The following NAB1 variants were observed in gnomAD, a reference collection of about 807,000 sequenced individuals.
The protein encoded by NAB1 is NGFI-A binding protein 1.
A neutral mutation model predicts 49.9 loss-of-function variants in NAB1; 25 were observed. That is an observed-to-expected ratio of 0.50 (90% CI 0.37 to 0.70). NAB1 has a LOEUF of 0.70. Among genes scored for constraint, NAB1 ranks in the 30% least tolerant of loss-of-function variants. The pLI is 0.00. For missense variants in NAB1, 489 were observed against 575.9 expected, an observed-to-expected ratio of 0.85 and a Z score of 1.54; for synonymous variants, 198 against 215.6, an observed-to-expected ratio of 0.92 and a Z score of 0.71.
chr2:190,660,376 A>G (rs1021842841), intron 4 of NAB1, among the ~76,000 whole-genome samples: 43 of 152,234 alleles, frequency 2.8e-4, no homozygotes, highest in Admixed American at 6.5e-4. Context: ...TAAAGAAAAA[A>G]TTTCATAAAA....
chr2:190,687,306 C>T lies in NAB1; in HGVS notation c.1364C>T (p.Ser455Phe). The T allele has an allele frequency of 2.5e-6, 4 of 1,583,150 alleles. No individual in the cohort carries two copies. Among genetic ancestry groups the T allele is most frequent in the Non-Finnish European group, 3.4e-6 (4 of 1,166,248 alleles). The part of the protein sequence containing the change: ...LSRLYPSEAK[S>F]HSSESLGILK... ...AGACTTTACCCCAGTGAGGCAAAGT[C>T]CCACTCATCAGGTGAGAACGTGCTA... Residue 455 changes from serine (S) to phenylalanine (F), a missense_variant, in exon 9 of 10, where the codon TCC becomes TTC. Physicochemically the swap from Ser to Phe is radical, Grantham distance 155. Coordinates refer to ENST00000337386, the MANE Select transcript of NAB1 (RefSeq NM_005966.4).
At position 190,676,673 on chromosome 2, in the gene NAB1, A is replaced by G. The variant is rs1285133788; in HGVS notation, c.1005+3521A>G. Among the ~76,000 whole-genome samples the G allele has an allele frequency of 1.3e-5, 2 of 152,212 alleles. No individual in the cohort carries two copies. Among genetic ancestry groups the G allele is most frequent in the Non-Finnish European group, 2.9e-5 (2 of 68,028 alleles). On this transcript the variant is annotated intron_variant, in intron 6 of 9. Transcript: ENST00000337386. The surrounding 1 kb of genome is among the most constrained non-coding windows in gnomAD (Gnocchi z 4.6). Reference sequence around the variant, plus strand: ...ACTCCAGCCCGGGCAACAGAGCACAACCTTGTCTCAAACAAAGGAAAAAAA... The same window carrying G: ...ACTCCAGCCCGGGCAACAGAGCACAGCCTTGTCTCAAACAAAGGAAAAAAA...
chr2:190,660,670 G>A (rs1694176308), intron 4 of NAB1, among the ~76,000 whole-genome samples: 1 of 152,106 alleles, frequency 6.6e-6, no homozygotes, highest in Admixed American at 6.5e-5. Flanking sequence ...TTAAAACTCA[G>A]CCAAGAATAA....
rs1375179905 is a variant in NAB1 at position 190,689,635 on chromosome 2, A to G, written c.1376-610A>G. On this transcript the variant is annotated intron_variant, in intron 9 of 9. Transcript: ENST00000337386. This position sits in a 1 kb window ranked among gnomAD's most constrained non-coding sequence, Gnocchi z 4.3. ...GTGTATGGTTGAAATAACTGTACAC[A>G]TAGAACTCCATGGAATGATTTCTCA... is the stretch of plus-strand genomic sequence containing the variant. Among the ~76,000 whole-genome samples the G allele has an allele frequency of 6.6e-6, 1 of 152,196 alleles. No individual in the cohort carries two copies. The highest frequency in any genetic ancestry group is 2.4e-5 in the African/African-American group (1 of 41,454).
chr2:190,690,135 A>G (rs1303225894), intron 9 of NAB1, 110 bp from the exon 10 acceptor site: 1 of 781,228 alleles, frequency 1.3e-6, no homozygotes, highest in African/African-American at 1.8e-5. Flanking sequence ...AGAATCATGA[A>G]TAGTTGATAC....
chr2:190,650,057 T>C (rs560223908), intron 2 of NAB1, 75 bp downstream of exon 2: 1 of 152,296 alleles, frequency 6.6e-6, no homozygotes, highest in South Asian at 2.1e-4. Flanking sequence ...AACTCAGAGC[T>C]TCCAAAGCTT....
chr2:190,659,537 C>G lies in NAB1; in HGVS notation c.361C>G (p.Arg121Gly), dbSNP rs772814531. 6.2e-7 allele frequency: 1 copy of G among 1,614,172 alleles called. No homozygotes were observed. The highest frequency in any genetic ancestry group is 8.5e-7 in the Non-Finnish European group (1 of 1,180,032). Residue 121 changes from arginine to glycine, a missense_variant, in exon 4 of 10, where the codon CGG becomes GGG. Physicochemically the swap from Arg to Gly is moderately radical, Grantham distance 125 (BLOSUM62 -2). Transcript: ENST00000337386. This position sits in a 1 kb window ranked among gnomAD's most constrained non-coding sequence, Gnocchi z 6.2. ...CSSYERSSNA[R>G]EPHLKIPKCA... ...TAGTTATGAAAGGAGTAGCAATGCC[C>G]GGGAACCTCATTTAAAAATCCCCAA...
At position 190,676,605 on chromosome 2, in the gene NAB1, A is replaced by G. The variant is rs901585729; in HGVS notation, c.1005+3453A>G. Among the ~76,000 whole-genome samples, 3 of 152,164 alleles carry G rather than the reference A, an allele frequency of 2.0e-5. No homozygotes were observed. Among genetic ancestry groups the G allele is most frequent in the African/African-American group, 7.2e-5 (3 of 41,430 alleles). The stretch of plus-strand genomic sequence containing the variant: ...CATGATGGCATGTGCCTGTAGTCCC[A>G]GCTAATCAGGAGGCTGAGGTGGGAG... On this transcript the variant is annotated intron_variant, in intron 6 of 9. Coordinates refer to ENST00000337386, the MANE Select transcript of NAB1 (RefSeq NM_005966.4). This position sits in a 1 kb window ranked among gnomAD's most constrained non-coding sequence, Gnocchi z 4.6.
chr2:190,683,297 ATTTTTTT>A (rs767640681), intron 6 of NAB1, among the ~76,000 whole-genome samples: 6 of 76,136 alleles, frequency 7.9e-5, no homozygotes, highest in African/African-American at 1.3e-4. Context: ...CTCCCAGCTA[ATTTTTTT>A]TTTTTTTTTT....
rs573056462 is a variant in NAB1, at chr2:190,674,808, C to T, written c.1005+1656C>T. ...GCTCACACCTATAATCCCAACACTTCGGGAGGCCAAGACAGAAGGATTGCT... is the reference window on the plus strand; with the variant it reads ...GCTCACACCTATAATCCCAACACTTTGGGAGGCCAAGACAGAAGGATTGCT... On this transcript the variant is annotated intron_variant, in intron 6 of 9. Transcript: ENST00000337386. The surrounding 1 kb of genome is among the most constrained non-coding windows in gnomAD (Gnocchi z 5.7). Among the ~76,000 whole-genome samples the T allele has an allele frequency of 9.4e-4, 143 of 152,212 alleles. No homozygotes were observed. The highest frequency in any genetic ancestry group is 3.4e-3 in the Middle Eastern group (1 of 294).
Position 190,670,295 on chromosome 2 carries a change from T to A in NAB1, c.820-31T>A, listed in dbSNP as rs200771205. 1 of 1,578,932 alleles carries A rather than the reference T, an allele frequency of 6.3e-7. No individual in the cohort carries two copies. The highest frequency in any genetic ancestry group is 8.6e-7 in the Non-Finnish European group (1 of 1,165,906). Reference sequence around the variant, plus strand: ...GCATTTTGATGAAATTAAAATGTTCTTAATTTTGAAACTCTGTTTTGGATA... The same window carrying A: ...GCATTTTGATGAAATTAAAATGTTCATAATTTTGAAACTCTGTTTTGGATA... On this transcript the variant is annotated intron_variant, in intron 4 of 9. Transcript: ENST00000337386. This position sits in a 1 kb window ranked among gnomAD's most constrained non-coding sequence, Gnocchi z 5.3.
chr2:190,688,689 A>ATTTCATG (rs1695746432), intron 9 of NAB1, among the ~76,000 whole-genome samples: 1 of 152,228 alleles, frequency 6.6e-6, no homozygotes. Context: ...TATATTACAT[A>ATTTCATG]GAGATATAAT....
In NAB1 at chr2:190,659,569, T is replaced by G; in HGVS notation, c.393T>G (p.Ala131=). 3 of 1,614,242 alleles carry G rather than the reference T, an allele frequency of 1.9e-6. No individual in the cohort carries two copies. In the African/African-American group the frequency reaches 4.0e-5, roughly 22 times the overall value. The change falls in exon 4 of 10, where the codon GCT becomes GCG. Residue 131 remains alanine, a synonymous_variant. Coordinates refer to ENST00000337386, the MANE Select transcript of NAB1 (RefSeq NM_005966.4). The surrounding 1 kb of genome is among the most constrained non-coding windows in gnomAD (Gnocchi z 6.2). The part of the protein sequence containing the change: ...REPHLKIPKC[A]ATTCVQSLGQ... ...CTCATTTAAAAATCCCCAAATGTGC[T>G]GCCACCACCTGTGTGCAGAGCTTGG...
In NAB1 at chr2:190,657,144, C is replaced by A. The variant is rs1465826117; in HGVS notation, c.-20+991C>A. On this transcript the variant is annotated intron_variant, in intron 3 of 9. Coordinates refer to ENST00000337386, the MANE Select transcript of NAB1 (RefSeq NM_005966.4). The surrounding 1 kb of genome is among the most constrained non-coding windows in gnomAD (Gnocchi z 4.4). ...TTCCACCTCCAACACTTTATAGCAGCCCTTCTATTTGGTATAGTGTAGTTT... is the reference window on the plus strand; with the variant it reads ...TTCCACCTCCAACACTTTATAGCAGACCTTCTATTTGGTATAGTGTAGTTT... Among the ~76,000 whole-genome samples the A allele has an allele frequency of 6.6e-6, 1 of 152,116 alleles. No homozygotes were observed. The highest frequency in any genetic ancestry group is 2.4e-5 in the African/African-American group (1 of 41,402).
rs969373920 is a variant in NAB1 at position 190,684,622 on chromosome 2, G to T, written c.1095+795G>T. ...TGTGAATTAATATATTTTACCTACT[G>T]ATTTTTACATTGTGAATCAGGGCAT... On this transcript the variant is annotated intron_variant, in intron 7 of 9. Coordinates refer to ENST00000337386, the MANE Select transcript of NAB1 (RefSeq NM_005966.4). The surrounding 1 kb of genome is among the most constrained non-coding windows in gnomAD (Gnocchi z 4.6). 1.3e-5 allele frequency among the ~76,000 whole-genome samples: 2 copies of T among 152,080 alleles called. No individual in the cohort carries two copies. The highest frequency in any genetic ancestry group is 2.9e-5 in the Non-Finnish European group (2 of 67,978).
In NAB1 at chr2:190,666,396, C is replaced by A. The variant is rs539749467; in HGVS notation, c.820-3930C>A. 3.0e-4 allele frequency among the ~76,000 whole-genome samples: 45 copies of A among 152,174 alleles called. No individual in the cohort carries two copies. Among genetic ancestry groups the A allele is most frequent in the South Asian group, 4.1e-4 (2 of 4,822 alleles). On this transcript the variant is annotated intron_variant, in intron 4 of 9. Coordinates refer to ENST00000337386, the MANE Select transcript of NAB1 (RefSeq NM_005966.4). This position sits in a 1 kb window ranked among gnomAD's most constrained non-coding sequence, Gnocchi z 5.6. ...ACTGTAGTAAGTCCAGTTTTTAAGT[C>A]CGGTTATAAAAGATAGCTAACTTTA...
At position 190,659,886 on chromosome 2, in the gene NAB1, A is replaced by C. The variant is rs887340081; in HGVS notation, c.710A>C (p.Glu237Ala). 2 of 1,614,134 alleles carry C rather than the reference A, an allele frequency of 1.2e-6. No individual in the cohort carries two copies. The highest frequency in any genetic ancestry group is 2.7e-5 in the African/African-American group (2 of 74,940). The change falls in exon 4 of 10, where the codon GAG becomes GCG. Residue 237 changes from glutamate (E) to alanine (A), a missense_variant. By Grantham distance (107) the Glu-to-Ala change is moderately radical (BLOSUM62 -1). Transcript: ENST00000337386. The surrounding 1 kb of genome is among the most constrained non-coding windows in gnomAD (Gnocchi z 6.2). The part of the protein sequence containing the change: ...KLAKMIGHIF[E>A]MNDDDPHKEE... Reference sequence around the variant, plus strand: ...GCCAAAATGATTGGTCACATCTTTGAGATGAACGATGATGATCCACACAAA... The same window carrying C: ...GCCAAAATGATTGGTCACATCTTTGCGATGAACGATGATGATCCACACAAA...
At chr2:190,683,062 A>C (rs1695425808) in intron 6 of NAB1, among the ~76,000 whole-genome samples, 1 of 152,134 alleles carries the variant, frequency 6.6e-6, no homozygotes, top group African/African-American at 2.4e-5. Context: ...GTGGCTAATC[A>C]AACCCCCCAC....
chr2:190,658,564 C>A (rs1319467466), intron 3 of NAB1, among the ~76,000 whole-genome samples: 2 of 152,176 alleles, frequency 1.3e-5, no homozygotes, highest in African/African-American at 4.8e-5. Context: ...TTTTCTCTAC[C>A]TCTTCTTTCT....
Sources: allele counts gnomAD v4.1 joint callset (sites outside exome capture counted in the v4.1 genomes callset), GRCh38; gene constraint gnomAD v4.1.1; non-coding constraint Gnocchi (gnomAD v3.1); transcripts MANE v1.5; gene names NCBI Gene and HGNC (gene_info 2026-07-23, HGNC 2026-07-21).